ZGPAT: variants seen among roughly 807,000 people sequenced by gnomAD.
ZGPAT encodes the protein zinc finger CCCH-type and G-patch domain containing.
In ZGPAT, 39 loss-of-function variants were observed where a neutral mutation model predicts 47.9. The ratio of observed to expected loss-of-function variants is 0.81; its 90% confidence interval spans 0.63 to 1.06. The LOEUF is 1.06. Ranked by LOEUF, ZGPAT falls within the 50% of genes least tolerant of loss-of-function variation. The probability of loss-of-function intolerance (pLI) is 0.00; values close to 1 mark genes in which losing one functional copy is unlikely to be tolerated. For missense variants in ZGPAT, 717 were observed against 681.4 expected (o/e 1.05, Z -0.58); for synonymous variants, 348 against 292.9 (o/e 1.19, Z -1.92).
At chr20:63,722,016 GA>G (rs11320808) in intron 2 of ZGPAT, among the ~76,000 whole-genome samples, 105,689 of 140,770 alleles carry the variant, frequency 0.75, 40,015 homozygotes, top group African/African-American at 0.8. Context: ...CCATCTCGGG[GA>G]AAAAAAAAAA....
rs544135550 is a variant in ZGPAT at position 63,708,493 on chromosome 20, G to A, written c.-28-60G>A. The stretch of plus-strand genomic sequence containing the variant: ...AGGGGACGTGCCCGTGCCCGTGCCC[G>A]CCCTCAGGCTGTGGGGTCGGTCCCG... On this transcript the variant is annotated intron_variant, in intron 1 of 6. Coordinates refer to ENST00000355969, the MANE Select transcript of ZGPAT (RefSeq NM_181485.3). 7.1e-6 allele frequency: 9 copies of A among 1,268,602 alleles called. No homozygotes were observed. In the South Asian group the frequency reaches 1.2e-4, roughly 17 times the overall value. The allele number at this position is 1,268,602 out of a possible 1,614,324, so 78.6% of individuals were successfully genotyped here.
intron 2 of ZGPAT, among the ~76,000 whole-genome samples, chr20:63,721,779 G>C (rs373302104): frequency 6.6e-6 from 1 of 152,264 alleles, no homozygotes; most frequent in Non-Finnish European, 1.5e-5. Flanking sequence ...ACTTTGGGAG[G>C]CCGAGGCGGG....
At chr20:63,708,459 C>G in intron 1 of ZGPAT, 94 bp from the exon 2 acceptor site, 1 of 902,028 alleles carries the variant, frequency 1.1e-6, no homozygotes, top group East Asian at 2.7e-5. Context: ...CGGTGTCTCC[C>G]CGAGGGAAAG....
intron 3 of ZGPAT, 60 bp downstream of exon 3, chr20:63,733,412 C>T: frequency 6.3e-7 from 1 of 1,599,938 alleles, no homozygotes; most frequent in Admixed American, 1.7e-5. Context: ...TGTGTTGTCA[C>T]TGTGTGGCTG....
At chr20:63,717,179 T>C (rs542791763) in intron 2 of ZGPAT, among the ~76,000 whole-genome samples, 23 of 152,156 alleles carry the variant, frequency 1.5e-4, no homozygotes, top group Non-Finnish European at 2.6e-4. Flanking sequence ...TTTTTGTTGC[T>C]GATCTCTATT....
At chr20:63,714,236 G>A (rs2091702443) in intron 2 of ZGPAT, among the ~76,000 whole-genome samples, 2 of 152,046 alleles carry the variant, frequency 1.3e-5, no homozygotes, top group South Asian at 4.2e-4. Flanking sequence ...GACCAGCCTG[G>A]CCAACACGGC....
intron 2 of ZGPAT, among the ~76,000 whole-genome samples, chr20:63,715,033 C>T (rs1353357764): frequency 9.2e-5 from 14 of 151,894 alleles, no homozygotes; most frequent in African/African-American, 2.7e-4. Context: ...TATTGATTTT[C>T]GTATGTTGAA....
At chr20:63,728,146 C>G (rs1324695456) in intron 2 of ZGPAT, among the ~76,000 whole-genome samples, 1 of 151,274 alleles carries the variant, frequency 6.6e-6, no homozygotes, top group Non-Finnish European at 1.5e-5. Context: ...AAGCAATTCT[C>G]CTGCCTCAGC....
intron 2 of ZGPAT, among the ~76,000 whole-genome samples, chr20:63,726,910 C>A (rs897797171): frequency 2.0e-5 from 3 of 152,174 alleles, no homozygotes; most frequent in Non-Finnish European, 4.4e-5. Context: ...TCCAGACCCC[C>A]ACACATGCAA....
At chr20:63,732,610 GGTCTCT>G (rs1274043246) in intron 2 of ZGPAT, among the ~76,000 whole-genome samples, 3 of 31,332 alleles carry the variant, frequency 9.6e-5, no homozygotes, top group African/African-American at 1.9e-4. Context: ...CGCGTGTCAG[GGTCTCT>G]GTGTATGTGT....
Position 63,735,314 on chromosome 20 carries a change from G to T in ZGPAT, c.1147G>T (p.Ala383Ser), listed in dbSNP as rs756390245. 16 of 1,590,700 alleles carry T rather than the reference G, an allele frequency of 1.0e-5. No homozygotes were observed. The African/African-American group carries it at 2.0e-4, about 20-fold the overall frequency. The change falls in exon 6 of 7, where the codon GCC becomes TCC. Residue 383 changes from alanine to serine, a missense_variant. Ala to Ser is a moderately conservative substitution (Grantham distance 99). Transcript: ENST00000355969. Reference protein sequence around the residue: ...NKPPRCRGRGARPGGRPAPRN... With the variant: ...NKPPRCRGRGSRPGGRPAPRN... ...GCCCCCCAGGTGCCGGGGAAGAGGG[G>T]CCAGGCCTGGGGGCCGCCCAGCTCC...
At chr20:63,723,918 A>C (rs1449343065) in intron 2 of ZGPAT, among the ~76,000 whole-genome samples, 1 of 152,066 alleles carries the variant, frequency 6.6e-6, no homozygotes, top group Admixed American at 6.6e-5. Context: ...AAAATTACAA[A>C]AAATTAGTCT....
rs761642869 is a variant in ZGPAT, at chr20:63,735,419, G to T, written c.1252G>T (p.Gly418Trp). The change falls in exon 6 of 7, where the codon GGG (glycine) becomes TGG (tryptophan). Residue 418 changes from glycine (G) to tryptophan (W), a missense_variant. Transcript: ENST00000355969. ...GALEAGAAPA[G>W]RRSKDMYHAS... ...CCTAGAAGCCGGGGCGGCCCCAGCG[G>T]GGAGGAGGAGCAAGGACATGTACCA... is the stretch of plus-strand genomic sequence containing the variant. The T allele has an allele frequency of 1.3e-6, 2 of 1,571,684 alleles. No homozygotes were observed. The highest frequency in any genetic ancestry group is 1.7e-6 in the Non-Finnish European group (2 of 1,161,522).
At chr20:63,721,406 C>A (rs1216952366) in intron 2 of ZGPAT, among the ~76,000 whole-genome samples, 1 of 151,746 alleles carries the variant, frequency 6.6e-6, no homozygotes, top group South Asian at 2.1e-4. Context: ...TTCCAGGTTG[C>A]CTCTGTACTG....
chr20:63,709,501 G>A (rs1211825940), intron 2 of ZGPAT, among the ~76,000 whole-genome samples: 1 of 152,124 alleles, frequency 6.6e-6, no homozygotes, highest in Non-Finnish European at 1.5e-5. Flanking sequence ...ACCGGTCGTG[G>A]TGGCGCGCAC....
chr20:63,733,864 C>A, intron 4 of ZGPAT, 125 bp downstream of exon 4: 1 of 1,340,142 alleles, frequency 7.5e-7, no homozygotes, highest in Non-Finnish European at 1.0e-6. Context: ...GCGAGGGTGC[C>A]ACCTGTGCCT....
chr20:63,731,123 G>C (rs1201772716), intron 2 of ZGPAT, among the ~76,000 whole-genome samples: 1 of 152,158 alleles, frequency 6.6e-6, no homozygotes, highest in African/African-American at 2.4e-5. Flanking sequence ...CATCTGCCTT[G>C]ATGCACTGGT....
chr20:63,719,837 T>G (rs1050250586), intron 2 of ZGPAT, among the ~76,000 whole-genome samples: 2 of 151,640 alleles, frequency 1.3e-5, no homozygotes, highest in African/African-American at 4.8e-5. Flanking sequence ...GCCTCCTGGG[T>G]TCAAGTGATT....
Position 63,732,236 on chromosome 20 carries a change from T to C in ZGPAT, c.585-983T>C, listed in dbSNP as rs563233674. 3.0e-5 allele frequency among the ~76,000 whole-genome samples: 3 copies of C among 98,750 alleles called. No homozygotes were observed. In the South Asian group the frequency reaches 1.1e-3, roughly 37 times the overall value. 64.8% of individuals were successfully genotyped at this position (98,750 alleles called of 152,430 possible). ...GTGTGCATGTTTGGGTGCGGGTGCATGTGTGCGTGCACGTGTGTGTGGATG... is the reference window on the plus strand; with the variant it reads ...GTGTGCATGTTTGGGTGCGGGTGCACGTGTGCGTGCACGTGTGTGTGGATG... On this transcript the variant is annotated intron_variant, in intron 2 of 6. Transcript: ENST00000355969.
Sources: gnomAD v4.1 joint callset for allele counts (sites outside exome capture counted in the v4.1 genomes callset) on GRCh38, gnomAD v4.1.1 for gene constraint, MANE v1.5 for transcripts, NCBI Gene and HGNC (gene_info 2026-07-23, HGNC 2026-07-21) for gene names.